PTTG1IP2: variants seen among roughly 807,000 people sequenced by gnomAD.
PTTG1IP2 encodes the protein PTTG1IP family member 2.
At chr7:90,476,774 GA>G (rs1460783007) in intron 1 of PTTG1IP2, among the ~76,000 whole-genome samples, 2 of 152,024 alleles carry the variant, frequency 1.3e-5, no homozygotes, top group Admixed American at 6.6e-5. Flanking sequence ...TTTTAAAATA[GA>G]TGTAACAGGT....
intron 6 of PTTG1IP2, among the ~76,000 whole-genome samples, chr7:90,505,633 CG>C (rs1422250165): frequency 6.6e-6 from 1 of 152,076 alleles, no homozygotes; most frequent in African/African-American, 2.4e-5. Flanking sequence ...CTTTGTTAAC[CG>C]CACTGTAGAT....
chr7:90,476,355 A>G (rs1584690953), intron 1 of PTTG1IP2, among the ~76,000 whole-genome samples: 1 of 152,192 alleles, frequency 6.6e-6, no homozygotes, highest in Non-Finnish European at 1.5e-5. Flanking sequence ...ACTGCTATTA[A>G]ATAGTTAAAG....
rs115630062 is a variant in PTTG1IP2, at chr7:90,481,961, T to C, written c.192+2687T>C. ...ATACTTTTTTAAAATTTTCTAAATATCATTTATAATGGAAATACTGGGAAT... is the reference window on the plus strand; with the variant it reads ...ATACTTTTTTAAAATTTTCTAAATACCATTTATAATGGAAATACTGGGAAT... On this transcript the variant is annotated intron_variant, in intron 2 of 6. Transcript: ENST00000509356. 3.5e-3 allele frequency among the ~76,000 whole-genome samples: 527 copies of C among 152,342 alleles called. 3 individuals carry two copies. Among genetic ancestry groups the C allele is most frequent in the African/African-American group, 0.011 (469 of 41,590 alleles).
chr7:90,500,744 C>T (rs1427404863), intron 6 of PTTG1IP2, among the ~76,000 whole-genome samples: 1 of 152,194 alleles, frequency 6.6e-6, no homozygotes, highest in African/African-American at 2.4e-5. Context: ...GGAGGCCCTC[C>T]AAAAGGAGAT....
intron 6 of PTTG1IP2, among the ~76,000 whole-genome samples, chr7:90,504,383 G>A (rs895176288): frequency 1.3e-5 from 2 of 151,982 alleles, no homozygotes; most frequent in South Asian, 2.1e-4. Flanking sequence ...ATCAGAGAGC[G>A]TAATTTTCAC....
Position 90,497,429 on chromosome 7 carries a change from C to T in PTTG1IP2, c.*50+2999C>T, listed in dbSNP as rs926833590. On this transcript the variant is annotated intron_variant, in intron 6 of 6. Transcript: ENST00000509356. ...AGTACAAAAAATTAGCCGGGCGTGG[C>T]GGCGGGCGCCTGTAGTCCCAGCTAC... 3.0e-4 allele frequency among the ~76,000 whole-genome samples: 46 copies of T among 151,692 alleles called. No homozygotes were observed. In the East Asian group the frequency reaches 5.5e-3, roughly 18 times the overall value.
At chr7:90,500,486 G>T (rs940192801) in intron 6 of PTTG1IP2, among the ~76,000 whole-genome samples, 11 of 152,320 alleles carry the variant, frequency 7.2e-5, no homozygotes. Context: ...GCTGTCTTAA[G>T]TTGGGATCCC....
intron 2 of PTTG1IP2, among the ~76,000 whole-genome samples, chr7:90,480,569 A>T (rs1797804673): frequency 1.3e-5 from 2 of 152,138 alleles, no homozygotes; most frequent in Non-Finnish European, 2.9e-5. Flanking sequence ...CATTTTATTT[A>T]AAAATATTTA....
intron 1 of PTTG1IP2, chr7:90,470,317 G>A (rs1277010280): frequency 6.6e-6 from 1 of 152,050 alleles, no homozygotes; most frequent in Non-Finnish European, 1.5e-5. Flanking sequence ...TTAATAAAAT[G>A]CTTTATTTGT....
intron 1 of PTTG1IP2, among the ~76,000 whole-genome samples, chr7:90,470,876 C>A (rs549318340): frequency 9.5e-5 from 14 of 146,876 alleles, no homozygotes; most frequent in Non-Finnish European, 1.9e-4. Context: ...AACATAAAAA[C>A]AAATTCTTCC....
chr7:90,493,370 A>G (rs1281186030), intron 5 of PTTG1IP2, among the ~76,000 whole-genome samples: 1 of 152,204 alleles, frequency 6.6e-6, no homozygotes, highest in African/African-American at 2.4e-5. Flanking sequence ...GGATCATGAA[A>G]TGTTTCAAAA....
At chr7:90,505,990 CAAAAAAAAAAAAA>C (rs59521168) in intron 6 of PTTG1IP2, among the ~76,000 whole-genome samples, 4 of 77,318 alleles carry the variant, frequency 5.2e-5, no homozygotes, top group Non-Finnish European at 7.1e-5. Context: ...GACTCCGTCT[CAAAAAAAAAAAAA>C]AAAAAAAAAA....
chr7:90,501,701 T>C (rs1798063294), intron 6 of PTTG1IP2, among the ~76,000 whole-genome samples: 1 of 152,154 alleles, frequency 6.6e-6, no homozygotes, highest in Non-Finnish European at 1.5e-5. Flanking sequence ...CTGTTAAAAA[T>C]TGCTAACAAT....
At chr7:90,489,913 A>G (rs11563370) in intron 4 of PTTG1IP2, among the ~76,000 whole-genome samples, 2,000 of 152,100 alleles carry the variant, frequency 0.013, 19 homozygotes, top group Non-Finnish European at 0.021. Context: ...CAGCTTTTGC[A>G]CTTTCTAGAG....
chr7:90,502,886 A>G (rs1052661411), intron 6 of PTTG1IP2, among the ~76,000 whole-genome samples: 3 of 152,210 alleles, frequency 2.0e-5, no homozygotes, highest in Non-Finnish European at 4.4e-5. Flanking sequence ...ACTTAAAGTC[A>G]TGAGTTCCAT....
chr7:90,510,419 A>G (rs1471741890), intron 6 of PTTG1IP2, among the ~76,000 whole-genome samples: 2 of 152,258 alleles, frequency 1.3e-5, no homozygotes, highest in African/African-American at 4.8e-5. Context: ...ATGAAAAAAA[A>G]TGATATGCCT....
rs192985302 is a variant in PTTG1IP2 at position 90,480,466 on chromosome 7, A to G, written c.192+1192A>G. Among the ~76,000 whole-genome samples the G allele has an allele frequency of 1.8e-3, 277 of 152,268 alleles. 2 individuals are homozygous for G. Among genetic ancestry groups the G allele is most frequent in the Non-Finnish European group, 2.9e-3 (194 of 68,014 alleles). On this transcript the variant is annotated intron_variant, in intron 2 of 6. Coordinates refer to ENST00000509356, the MANE Select transcript of PTTG1IP2 (RefSeq NM_001365443.2). ...AGAAAGCAATATAATAAAACTTTATACCCCGAAGAGCCATCTTGGTCAATT... is the reference window on the plus strand; with the variant it reads ...AGAAAGCAATATAATAAAACTTTATGCCCCGAAGAGCCATCTTGGTCAATT...
At chr7:90,481,980 T>C (rs563712367) in intron 2 of PTTG1IP2, among the ~76,000 whole-genome samples, 1 of 152,158 alleles carries the variant, frequency 6.6e-6, no homozygotes, top group Non-Finnish European at 1.5e-5. Flanking sequence ...ATGGAAATAC[T>C]GGGAATATGT....
At chr7:90,511,898 A>T (rs1798194646) in intron 6 of PTTG1IP2, among the ~76,000 whole-genome samples, 1 of 152,228 alleles carries the variant, frequency 6.6e-6, no homozygotes, top group Non-Finnish European at 1.5e-5. Flanking sequence ...ACATATTGCT[A>T]CAGATCACTG....
Sources: gnomAD v4.1 joint callset for allele counts (sites outside exome capture counted in the v4.1 genomes callset) on GRCh38, gnomAD v4.1.1 for gene constraint, MANE v1.5 for transcripts, NCBI Gene and HGNC (gene_info 2026-07-23, HGNC 2026-07-21) for gene names.